Variants in KLF12 observed in about 807,000 individuals in gnomAD.
The protein encoded by KLF12 is KLF transcription factor 12.
In KLF12, 9 loss-of-function variants were observed where a neutral mutation model predicts 37.8. The observed-to-expected ratio is 0.24, with a 90% CI of 0.14 to 0.42. KLF12 has a LOEUF of 0.42. Ranked by LOEUF, KLF12 falls within the 10% of genes least tolerant of loss-of-function variation. The pLI, the probability that KLF12 is intolerant of heterozygous loss-of-function variation, is 1.00. For missense variants in KLF12, 411 were observed against 516.0 expected (o/e 0.80, Z 1.97); for synonymous variants, 208 against 202.1 (o/e 1.03, Z -0.25).
intron 2 of KLF12, among the ~76,000 whole-genome samples, chr13:73,957,910 G>A (rs916416676): frequency 5.9e-5 from 9 of 152,150 alleles, no homozygotes; most frequent in Non-Finnish European, 8.8e-5. Flanking sequence ...AGGTTTAAAC[G>A]TTGGATCCTT....
In KLF12 at chr13:73,763,288, C is replaced by T. The variant is rs187695973; in HGVS notation, c.869+1650G>A. Reference sequence around the variant, plus strand: ...GTGCTTGTGTGATATCGTATATGTGCCTGTGTATGTGACATCACACACACA... The same window carrying T: ...GTGCTTGTGTGATATCGTATATGTGTCTGTGTATGTGACATCACACACACA... On this transcript the variant is annotated intron_variant, in intron 6 of 7. Transcript: ENST00000377669. Among the ~76,000 whole-genome samples the T allele has an allele frequency of 3.3e-3, 506 of 152,292 alleles. 7 individuals are homozygous for T. Among genetic ancestry groups the T allele is most frequent in the African/African-American group, 0.012 (490 of 41,572 alleles).
chr13:74,125,164 T>C (rs9888505), intron 1 of KLF12, among the ~76,000 whole-genome samples: 5,441 of 135,140 alleles, frequency 0.04, 145 homozygotes, highest in Non-Finnish European at 0.06. Context: ...AATATATATA[T>C]ATACACACAC....
At chr13:74,013,413 T>G (rs1338920389) in intron 1 of KLF12, among the ~76,000 whole-genome samples, 1 of 152,228 alleles carries the variant, frequency 6.6e-6, no homozygotes, top group African/African-American at 2.4e-5. Context: ...AGAGAACCAC[T>G]GCTACTCCAC....
At chr13:73,716,570 T>A (rs537555878) in intron 6 of KLF12, among the ~76,000 whole-genome samples, 20 of 152,338 alleles carry the variant, frequency 1.3e-4, no homozygotes, top group Admixed American at 5.2e-4. Flanking sequence ...TCCTGGTCCT[T>A]TCTCCTCCTT....
At position 74,092,431 on chromosome 13, in the gene KLF12, C is replaced by T. The variant is rs1033863445; in HGVS notation, c.-32+41308G>A. Among the ~76,000 whole-genome samples, 4 of 149,506 alleles carry T rather than the reference C, an allele frequency of 2.7e-5. No individual in the cohort carries two copies. In the South Asian group the frequency reaches 6.4e-4, roughly 24 times the overall value. On this transcript the variant is annotated intron_variant, in intron 1 of 7. Transcript: ENST00000377669. ...TTGGGGTCAGGAGTTTATAACCAGC[C>T]GGGCCAACATGGTGAAACCCCGTCT... is the stretch of plus-strand genomic sequence containing the variant.
At chr13:73,708,471 T>A (rs1415548462) in intron 7 of KLF12, among the ~76,000 whole-genome samples, 1 of 152,204 alleles carries the variant, frequency 6.6e-6, no homozygotes, top group African/African-American at 2.4e-5. Flanking sequence ...ACACTGATAA[T>A]GTCAGTGTCA....
rs181747332 is a variant in KLF12, at chr13:73,778,517, G to A, written c.807-13517C>T. ...TGGGACTACAAGCGCCTGCCACCAC[G>A]CCCCGTTAGTTATTTTATTTTTTGT... On this transcript the variant is annotated intron_variant, in intron 5 of 7. Transcript: ENST00000377669. Among the ~76,000 whole-genome samples the A allele has an allele frequency of 7.2e-5, 11 of 152,110 alleles. No homozygotes were observed. In the East Asian group the frequency reaches 1.2e-3, roughly 16 times the overall value.
intron 6 of KLF12, among the ~76,000 whole-genome samples, chr13:73,739,530 T>G (rs1877797037): frequency 1.3e-5 from 2 of 152,058 alleles, no homozygotes; most frequent in East Asian, 3.9e-4. Flanking sequence ...ATAAAATCAA[T>G]AAAAAAATTA....
chr13:73,979,014 C>CA (rs1593801969), intron 2 of KLF12, among the ~76,000 whole-genome samples: 3 of 152,248 alleles, frequency 2.0e-5, no homozygotes, highest in Non-Finnish European at 4.4e-5. Flanking sequence ...GTTGGGGAGA[C>CA]AGAGGGATGA....
chr13:73,827,772 A>G (rs1376119365), intron 4 of KLF12, among the ~76,000 whole-genome samples: 10 of 152,196 alleles, frequency 6.6e-5, no homozygotes, highest in African/African-American at 1.4e-4. Flanking sequence ...CATGCTGGCC[A>G]GGCTGGTCTC....
intron 3 of KLF12, among the ~76,000 whole-genome samples, chr13:73,885,811 A>G (rs17061640): frequency 0.11 from 16,961 of 152,262 alleles, 1,131 homozygotes; most frequent in African/African-American, 0.19. Flanking sequence ...CAGAAGTTAG[A>G]GAAACCATTT....
At chr13:73,825,326 G>C (rs192950922) in intron 4 of KLF12, among the ~76,000 whole-genome samples, 57 of 152,270 alleles carry the variant, frequency 3.7e-4, no homozygotes, top group African/African-American at 1.3e-3. Flanking sequence ...GTTTAGGGAG[G>C]TGGCAGTGGC....
chr13:73,808,287 T>C (rs1423833354), intron 5 of KLF12, among the ~76,000 whole-genome samples: 1 of 152,148 alleles, frequency 6.6e-6, no homozygotes, highest in Non-Finnish European at 1.5e-5. Flanking sequence ...GGACAGTATC[T>C]ATTACAATTG....
At chr13:73,705,594 T>C (rs2041743893) in intron 7 of KLF12, among the ~76,000 whole-genome samples, 1 of 152,220 alleles carries the variant, frequency 6.6e-6, no homozygotes, top group Non-Finnish European at 1.5e-5. Context: ...TATTCTTTAA[T>C]GATGAATCTA....
At chr13:73,914,919 TA>T (rs1888746141) in intron 3 of KLF12, among the ~76,000 whole-genome samples, 1 of 152,206 alleles carries the variant, frequency 6.6e-6, no homozygotes, top group Admixed American at 6.5e-5. Context: ...ATTAGTTTCC[TA>T]ATGCTTATAT....
chr13:73,867,535 G>C (rs1886237909), intron 3 of KLF12, among the ~76,000 whole-genome samples: 1 of 151,876 alleles, frequency 6.6e-6, no homozygotes, highest in Admixed American at 6.6e-5. Flanking sequence ...AATATAGTGT[G>C]AGATTTTAGC....
At chr13:73,979,119 T>C (rs981686636) in intron 2 of KLF12, among the ~76,000 whole-genome samples, 23 of 152,078 alleles carry the variant, frequency 1.5e-4, no homozygotes, top group African/African-American at 5.3e-4. Context: ...TTAAAACCCG[T>C]AGAATATACA....
chr13:74,035,331 A>G (rs2138506876), intron 1 of KLF12, among the ~76,000 whole-genome samples: 1 of 152,120 alleles, frequency 6.6e-6, no homozygotes, highest in African/African-American at 2.4e-5. Context: ...AATATTTTCA[A>G]TTTCGGTTGG....
the KLF12 span, among the ~76,000 whole-genome samples, chr13:74,179,467 T>C: frequency 6.6e-6 from 1 of 152,202 alleles, no homozygotes; most frequent in Non-Finnish European, 1.5e-5. Context: ...CACCTTTTAG[T>C]ATTAAGCAAA....
Sources: allele counts gnomAD v4.1 joint callset (sites outside exome capture counted in the v4.1 genomes callset), GRCh38; gene constraint gnomAD v4.1.1; transcripts MANE v1.5; gene names NCBI Gene and HGNC (gene_info 2026-07-23, HGNC 2026-07-21).